TNS1: variants seen among roughly 807,000 people sequenced by gnomAD.
TNS1 encodes tensin-1.
In TNS1, 62 loss-of-function variants were observed where a neutral mutation model predicts 168.6. That is an observed-to-expected ratio of 0.37 (90% confidence interval 0.30 to 0.45). TNS1 has a LOEUF of 0.45. TNS1 is among the 20% of genes least tolerant of loss of function. The pLI is 1.00. For synonymous variants in TNS1, 934 were observed against 933.2 expected, an observed-to-expected ratio of 1.00 and a Z score of -0.02; for missense variants, 2,240 against 2,339.4, an observed-to-expected ratio of 0.96 and a Z score of 0.88.
At chr2:217,929,250 C>A (rs1320037446) in intron 3 of TNS1, among the ~76,000 whole-genome samples, 1 of 152,214 alleles carries the variant, frequency 6.6e-6, no homozygotes, top group Non-Finnish European at 1.5e-5. Flanking sequence ...AGCCTCCAGA[C>A]AACCCAAGCG....
chr2:217,956,947 G>T (rs773182483), intron 3 of TNS1, among the ~76,000 whole-genome samples: 1 of 152,228 alleles, frequency 6.6e-6, no homozygotes, highest in African/African-American at 2.4e-5. Flanking sequence ...ACTCTGGGAC[G>T]TGACTTTCCC....
chr2:217,920,436 GC>G (rs1026752677), intron 3 of TNS1, among the ~76,000 whole-genome samples, 200 bp from the exon 4 acceptor site: 1 of 152,170 alleles, frequency 6.6e-6, no homozygotes, highest in African/African-American at 2.4e-5. Context: ...GGGAGCGGGG[GC>G]CGCAGAAGGC....
At chr2:217,994,069 G>A (rs1378272111) in intron 1 of TNS1, among the ~76,000 whole-genome samples, 3 of 152,126 alleles carry the variant, frequency 2.0e-5, no homozygotes, top group South Asian at 2.1e-4. Context: ...AGGCCTCTGA[G>A]GGGTAGATCC....
upstream of TNS1, among the ~76,000 whole-genome samples, chr2:218,011,486 G>A (rs1240265429): frequency 6.6e-6 from 1 of 152,158 alleles, no homozygotes; most frequent in Non-Finnish European, 1.5e-5. Flanking sequence ...TCCGCAGCAA[G>A]CGCCACTGGA....
intron 21 of TNS1, 57 bp downstream of exon 21, chr2:217,835,034 T>G (rs1376503497): frequency 2.0e-6 from 3 of 1,478,500 alleles, no homozygotes; most frequent in African/African-American, 1.5e-5. Context: ...ACAGGCAGGG[T>G]TGAGCTGAGG....
chr2:217,816,460 T>C lies in TNS1; in HGVS notation c.4642+1230A>G, dbSNP rs1021069626. Among the ~76,000 whole-genome samples, 4 of 151,822 alleles carry C rather than the reference T, an allele frequency of 2.6e-5. No individual in the cohort carries two copies. In the East Asian group the frequency reaches 7.7e-4, roughly 29 times the overall value. On this transcript the variant is annotated intron_variant, in intron 24 of 32. Transcript: ENST00000682258. ...CTTCTGGGATCTGTCTCCGGGCGAG[T>C]GTGAGGGGAGAGGTCAGCTCCCTTT...
At chr2:217,946,344 G>A (rs1957104898) in intron 3 of TNS1, among the ~76,000 whole-genome samples, 1 of 152,142 alleles carries the variant, frequency 6.6e-6, no homozygotes, top group East Asian at 1.9e-4. Flanking sequence ...GGAACGATAA[G>A]GGATTTGTTC....
exon 1 of TNS1, chr2:218,010,307 T>C (rs1285304403): frequency 2.6e-6 from 1 of 387,184 alleles, no homozygotes; most frequent in Non-Finnish European, 4.6e-6. Flanking sequence ...CGCCCTGCCC[T>C]ACCCTGTCCC....
intron 4 of TNS1, among the ~76,000 whole-genome samples, chr2:217,912,442 G>A: frequency 7.9e-6 from 1 of 127,174 alleles, no homozygotes. Context: ...TGGAATCTGG[G>A]GGGCTTGGGG....
intron 21 of TNS1, 44 bp from the exon 22 acceptor site, chr2:217,831,591 G>T (rs1235057192): frequency 6.4e-6 from 9 of 1,406,336 alleles, no homozygotes. Context: ...TGAGAGGTGG[G>T]CAGGAGGGCA....
chr2:217,979,069 G>A (rs772622063), intron 2 of TNS1: 1 of 451,378 alleles, frequency 2.2e-6, no homozygotes, highest in Non-Finnish European at 4.0e-6. Context: ...GCGGGAAGGT[G>A]GGGGGAGCAA....
chr2:217,950,915 C>T (rs1404474433), intron 3 of TNS1, among the ~76,000 whole-genome samples: 4 of 151,900 alleles, frequency 2.6e-5, no homozygotes, highest in African/African-American at 2.4e-5. Flanking sequence ...CTCCCTGCCC[C>T]GGGCTCCGAG....
chr2:218,015,272 A>C (rs1958747470), upstream of TNS1, among the ~76,000 whole-genome samples: 1 of 152,142 alleles, frequency 6.6e-6, no homozygotes, highest in African/African-American at 2.4e-5. Context: ...CCAGAACTGG[A>C]AGGAGGCCCT....
chr2:217,889,388 G>A (rs1951524552), intron 12 of TNS1, among the ~76,000 whole-genome samples: 1 of 152,248 alleles, frequency 6.6e-6, no homozygotes, highest in African/African-American at 2.4e-5. Flanking sequence ...GCATGATGAG[G>A]CTGGAGAGCT....
At chr2:217,882,166 G>A in intron 17 of TNS1, 180 bp downstream of exon 17, 1 of 552,312 alleles carries the variant, frequency 1.8e-6, no homozygotes, top group Non-Finnish European at 3.2e-6. Flanking sequence ...ATTATCCAGA[G>A]ATTAAGTCAC....
At chr2:217,940,932 A>G (rs1348603772) in intron 3 of TNS1, among the ~76,000 whole-genome samples, 1 of 152,074 alleles carries the variant, frequency 6.6e-6, no homozygotes, top group Non-Finnish European at 1.5e-5. Context: ...CAGGGAAAGC[A>G]GGTTTGGAAA....
At chr2:217,833,287 C>T (rs1159371129) in intron 21 of TNS1, among the ~76,000 whole-genome samples, 1 of 152,234 alleles carries the variant, frequency 6.6e-6, no homozygotes, top group Non-Finnish European at 1.5e-5. Context: ...TCCTGAATTC[C>T]TCGTTCCCCC....
chr2:217,950,781 G>C (rs955956651), intron 3 of TNS1, among the ~76,000 whole-genome samples: 2 of 150,886 alleles, frequency 1.3e-5, no homozygotes, highest in Non-Finnish European at 2.9e-5. Flanking sequence ...TCACCCGCAC[G>C]GCCCTCTTCC....
At chr2:217,883,955 A>G (rs1490973520) in intron 16 of TNS1, among the ~76,000 whole-genome samples, 1 of 152,194 alleles carries the variant, frequency 6.6e-6, no homozygotes, top group Admixed American at 6.5e-5. Flanking sequence ...TGGGACACCT[A>G]TCATGCTTGT....
Sources: allele counts gnomAD v4.1 joint callset (sites outside exome capture counted in the v4.1 genomes callset), GRCh38; gene constraint gnomAD v4.1.1; transcripts MANE v1.5; gene names NCBI Gene and HGNC (gene_info 2026-07-23, HGNC 2026-07-21).